METTL24: variants seen among roughly 807,000 people sequenced by gnomAD.
METTL24 encodes probable methyltransferase-like protein 24.
Under a neutral mutation model 32.7 loss-of-function variants are expected in METTL24, and 29 were observed. The ratio of observed to expected loss-of-function variants is 0.89; its 90% confidence interval spans 0.66 to 1.21. The LOEUF is 1.21. Among genes scored for constraint, METTL24 ranks in the 50% most tolerant of loss-of-function variants. The pLI is 0.00. For synonymous variants in METTL24, 163 were observed against 179.5 expected (o/e 0.91, Z 0.73); for missense variants, 439 against 468.1 (o/e 0.94, Z 0.57).
intron 3 of METTL24, among the ~76,000 whole-genome samples, chr6:110,302,236 C>A (rs1202949759): frequency 1.3e-5 from 2 of 151,428 alleles, no homozygotes; most frequent in East Asian, 1.9e-4. Flanking sequence ...CGAGATCGTG[C>A]CACTGCACTC....
At chr6:110,335,518 A>G (rs1319549852) in intron 1 of METTL24, among the ~76,000 whole-genome samples, 1 of 151,782 alleles carries the variant, frequency 6.6e-6, no homozygotes, top group East Asian at 2.0e-4. Flanking sequence ...AGACACAAAC[A>G]ATTTCAAGCT....
chr6:110,326,685 T>C (rs1772022511), intron 1 of METTL24, among the ~76,000 whole-genome samples: 1 of 152,210 alleles, frequency 6.6e-6, no homozygotes, highest in African/African-American at 2.4e-5. Flanking sequence ...ATGCAATACC[T>C]GTGTCTGGTA....
intron 3 of METTL24, among the ~76,000 whole-genome samples, chr6:110,311,543 AG>A (rs1176503795): frequency 7.4e-6 from 1 of 135,140 alleles, no homozygotes; most frequent in Non-Finnish European, 1.5e-5. Context: ...GCACAATCTC[AG>A]CTCACTGCAA....
chr6:110,350,754 T>C (rs1772580168), intron 1 of METTL24, among the ~76,000 whole-genome samples: 2 of 89,846 alleles, frequency 2.2e-5, no homozygotes, highest in Non-Finnish European at 2.4e-5. Flanking sequence ...AGTGAGACCC[T>C]GTCTCAACAA....
At chr6:110,267,562 G>A (rs1307872579) in intron 4 of METTL24, among the ~76,000 whole-genome samples, 1 of 152,126 alleles carries the variant, frequency 6.6e-6, no homozygotes, top group African/African-American at 2.4e-5. Context: ...CATTTGTTTT[G>A]GATGCACCAT....
intron 4 of METTL24, among the ~76,000 whole-genome samples, chr6:110,280,203 A>G (rs1378067740): frequency 6.6e-6 from 1 of 152,206 alleles, no homozygotes; most frequent in Non-Finnish European, 1.5e-5. Context: ...GTGGACACAC[A>G]TATCCAAACT....
At chr6:110,332,586 T>C in intron 1 of METTL24, 1 of 565,194 alleles carries the variant, frequency 1.8e-6, no homozygotes, top group Non-Finnish European at 2.2e-6. Flanking sequence ...GGGACGAGTT[T>C]CAGTTTTCTT....
chr6:110,259,680 C>G (rs1778454157), intron 4 of METTL24, among the ~76,000 whole-genome samples: 1 of 152,192 alleles, frequency 6.6e-6, no homozygotes, highest in Non-Finnish European at 1.5e-5. Flanking sequence ...CAAGTGGGTC[C>G]CTGAACCCCA....
At chr6:110,277,745 G>T (rs1406540619) in intron 4 of METTL24, among the ~76,000 whole-genome samples, 2 of 152,040 alleles carry the variant, frequency 1.3e-5, no homozygotes, top group African/African-American at 4.8e-5. Flanking sequence ...TCTACATCTT[G>T]ATTTCTCAAT....
At chr6:110,291,201 C>G (rs1046209417) in intron 4 of METTL24, among the ~76,000 whole-genome samples, 2 of 151,950 alleles carry the variant, frequency 1.3e-5, no homozygotes, top group African/African-American at 4.8e-5. Flanking sequence ...TTATAAAGTC[C>G]AATTTATCTT....
At chr6:110,312,299 T>G (rs1771737079) in intron 3 of METTL24, among the ~76,000 whole-genome samples, 1 of 152,192 alleles carries the variant, frequency 6.6e-6, no homozygotes, top group African/African-American at 2.4e-5. Context: ...TGGAGATTTC[T>G]CAAAAGACTA....
intron 3 of METTL24, among the ~76,000 whole-genome samples, chr6:110,307,155 T>C (rs916581927): frequency 1.3e-5 from 2 of 152,226 alleles, no homozygotes; most frequent in Non-Finnish European, 2.9e-5. Flanking sequence ...TACTGACTTA[T>C]TCATGTTCAT....
intron 4 of METTL24, among the ~76,000 whole-genome samples, chr6:110,263,950 G>C (rs1160025798): frequency 3.3e-5 from 5 of 152,168 alleles, no homozygotes; most frequent in East Asian, 1.9e-4. Flanking sequence ...CCCTTCCTTA[G>C]ACCTTATACA....
At chr6:110,328,292 G>T (rs2114759223) in intron 1 of METTL24, among the ~76,000 whole-genome samples, 1 of 152,302 alleles carries the variant, frequency 6.6e-6, no homozygotes, top group Admixed American at 6.5e-5. Flanking sequence ...GCCTTATCTG[G>T]CACCTTGTCC....
chr6:110,259,909 C>G (rs1392906920), intron 4 of METTL24, among the ~76,000 whole-genome samples: 1 of 152,206 alleles, frequency 6.6e-6, no homozygotes, highest in Non-Finnish European at 1.5e-5. Context: ...AGGGTCCTGA[C>G]TGTTAGAAGG....
chr6:110,311,364 T>A (rs1215511447), intron 3 of METTL24, among the ~76,000 whole-genome samples: 1 of 152,124 alleles, frequency 6.6e-6, no homozygotes, highest in African/African-American at 2.4e-5. Flanking sequence ...TGCTTTCATG[T>A]TTTTAGTCAA....
intron 4 of METTL24, among the ~76,000 whole-genome samples, chr6:110,277,403 G>A (rs1269348639): frequency 6.6e-6 from 1 of 152,122 alleles, no homozygotes; most frequent in Non-Finnish European, 1.5e-5. Context: ...CATTTCCAGA[G>A]GAAGCTGAAA....
intron 1 of METTL24, among the ~76,000 whole-genome samples, chr6:110,337,375 T>C (rs767933662): frequency 1.3e-5 from 2 of 152,132 alleles, no homozygotes; most frequent in Non-Finnish European, 2.9e-5. Flanking sequence ...CCCCATTATA[T>C]GAGTTTACCT....
At chr6:110,334,159 G>A (rs756363994) in intron 1 of METTL24, among the ~76,000 whole-genome samples, 7 of 152,096 alleles carry the variant, frequency 4.6e-5, no homozygotes, top group South Asian at 2.1e-4. Context: ...TCTTCCCCAC[G>A]AGAGAACCTG....
Sources: gnomAD v4.1 joint callset for allele counts (sites outside exome capture counted in the v4.1 genomes callset) on GRCh38, gnomAD v4.1.1 for gene constraint, MANE v1.5 for transcripts, NCBI Gene and HGNC (gene_info 2026-07-23, HGNC 2026-07-21) for gene names.